RBM26: variants seen among roughly 807,000 people sequenced by gnomAD.
RBM26 encodes the protein RNA-binding protein 26.
RBM26 carries 30 observed loss-of-function variants against 123.6 expected under a neutral mutation model. That is an observed-to-expected ratio of 0.24 (90% CI 0.18 to 0.33). The LOEUF (loss-of-function observed/expected upper bound fraction) is 0.33, where lower values mean the gene tolerates loss of function less well. Among genes scored for constraint, RBM26 ranks in the 10% least tolerant of loss-of-function variants. The probability of loss-of-function intolerance (pLI) is 1.00; values close to 1 mark genes in which losing one functional copy is unlikely to be tolerated. For missense variants in RBM26, 947 were observed against 1,203.6 expected (o/e 0.79, Z 3.15); for synonymous variants, 400 against 404.4 (o/e 0.99, Z 0.13).
At position 79,349,323 on chromosome 13, in the gene RBM26, A is replaced by T. The variant is rs949288429; in HGVS notation, c.2058+3830T>A. Among the ~76,000 whole-genome samples the T allele has an allele frequency of 2.6e-5, 4 of 152,116 alleles. No homozygotes were observed. The South Asian group carries it at 8.3e-4, about 32-fold the overall frequency. The stretch of plus-strand genomic sequence containing the variant: ...TCTAACTGAAGTTTTATATCTTTTG[A>T]CCAACATTTCCCAATCCCCTGTCCT... On this transcript the variant is annotated intron_variant, in intron 14 of 21. Coordinates refer to ENST00000438737, the MANE Select transcript of RBM26 (RefSeq NM_001366735.2).
At chr13:79,364,802 AAG>A (rs1309938076) in intron 9 of RBM26, among the ~76,000 whole-genome samples, 4 of 152,176 alleles carry the variant, frequency 2.6e-5, no homozygotes, top group African/African-American at 9.7e-5. Context: ...AGAAAATTTT[AAG>A]AGTCATTTCT....
intron 5 of RBM26, among the ~76,000 whole-genome samples, chr13:79,370,351 A>G (rs2075754654): frequency 6.6e-6 from 1 of 152,132 alleles, no homozygotes. Context: ...TTTTTAACAT[A>G]CATATGTATT....
chr13:79,381,623 A>G (rs2077077031), intron 1 of RBM26, among the ~76,000 whole-genome samples: 1 of 152,004 alleles, frequency 6.6e-6, no homozygotes, highest in Admixed American at 6.6e-5. Context: ...TTTTTGCACC[A>G]TTATTTTTTA....
chr13:79,352,822 C>T (rs1169907612), intron 14 of RBM26, among the ~76,000 whole-genome samples: 1 of 152,058 alleles, frequency 6.6e-6, no homozygotes, highest in Non-Finnish European at 1.5e-5. Flanking sequence ...AGGTGAAATT[C>T]CTAATCATGG....
intron 14 of RBM26, among the ~76,000 whole-genome samples, chr13:79,347,368 A>C (rs529579307): frequency 6.6e-6 from 1 of 152,322 alleles, no homozygotes; most frequent in African/African-American, 2.4e-5. Context: ...GAGGTGTTAA[A>C]ATGTAAAAAT....
At chr13:79,340,268 C>T (rs1292230528) in intron 18 of RBM26, among the ~76,000 whole-genome samples, 1 of 151,900 alleles carries the variant, frequency 6.6e-6, no homozygotes, top group African/African-American at 2.4e-5. Context: ...CTATGGCTTC[C>T]TATGACTTTC....
chr13:79,362,757 G>A (rs1458309751), intron 9 of RBM26, among the ~76,000 whole-genome samples: 1 of 152,136 alleles, frequency 6.6e-6, no homozygotes, highest in Non-Finnish European at 1.5e-5. Flanking sequence ...CACTAAGAGA[G>A]GGAATAATGT....
intron 1 of RBM26, among the ~76,000 whole-genome samples, chr13:79,403,283 A>C (rs931684955): frequency 1.3e-5 from 2 of 152,176 alleles, no homozygotes; most frequent in African/African-American, 4.8e-5. Flanking sequence ...TTAGAAAAGG[A>C]CCAATTACAA....
intron 10 of RBM26, among the ~76,000 whole-genome samples, chr13:79,359,136 T>C (rs2074362859): frequency 6.6e-6 from 1 of 152,182 alleles, no homozygotes; most frequent in Admixed American, 6.5e-5. Flanking sequence ...AAGCTCTTTC[T>C]TGACCATTCA....
intron 1 of RBM26, among the ~76,000 whole-genome samples, chr13:79,381,438 A>ATT (rs2077063747): frequency 3.1e-4 from 3 of 9,804 alleles, no homozygotes; most frequent in Admixed American, 2.3e-3. Flanking sequence ...GATACATAAT[A>ATT]ATATTATTAT....
intron 20 of RBM26, among the ~76,000 whole-genome samples, chr13:79,324,231 T>C (rs1314697381): frequency 1.3e-5 from 2 of 151,838 alleles, no homozygotes; most frequent in Non-Finnish European, 3.0e-5. Flanking sequence ...TATATAAATA[T>C]GTATGGTATG....
At chr13:79,385,330 AGTT>A (rs1461718898) in intron 1 of RBM26, among the ~76,000 whole-genome samples, 3 of 152,350 alleles carry the variant, frequency 2.0e-5, no homozygotes, top group Middle Eastern at 3.4e-3. Context: ...ACTCATTAAG[AGTT>A]ATTATACACC....
At chr13:79,362,638 T>C (rs1380275905) in intron 9 of RBM26, among the ~76,000 whole-genome samples, 1 of 152,214 alleles carries the variant, frequency 6.6e-6, no homozygotes, top group Non-Finnish European at 1.5e-5. Flanking sequence ...AAAAGGATTT[T>C]TGGTCTTATT....
At position 79,371,853 on chromosome 13, in the gene RBM26, G is replaced by A. The variant is rs201247591; in HGVS notation, c.405C>T (p.Tyr135=). The A allele has an allele frequency of 5.6e-6, 9 of 1,604,988 alleles. No homozygotes were observed. The East Asian group carries it at 8.9e-5, about 16-fold the overall frequency. Residue 135 remains tyrosine, a synonymous_variant, in exon 4 of 22, where the codon TAC becomes TAT. Coordinates refer to ENST00000438737, the MANE Select transcript of RBM26 (RefSeq NM_001366735.2). ...AATGAACTGCTCACCTATTTTCCCT[G>A]TATCGGGAGCTTGACTGGGGAGGAC... The part of the protein sequence containing the change: ...NHSPPQSSSR[Y]RENRSRDERK...
At chr13:79,340,082 T>G (rs2071106078) in intron 18 of RBM26, among the ~76,000 whole-genome samples, 1 of 152,102 alleles carries the variant, frequency 6.6e-6, no homozygotes, top group Non-Finnish European at 1.5e-5. Context: ...GTTTCAAAGA[T>G]TCCACCAACA....
At chr13:79,377,633 T>C (rs1242639516) in intron 2 of RBM26, 118 bp from the exon 3 acceptor site, 6 of 847,394 alleles carry the variant, frequency 7.1e-6, no homozygotes, top group Non-Finnish European at 1.1e-5. Flanking sequence ...AACTAGAAAA[T>C]ATACTAGCAC....
chr13:79,383,176 G>A (rs374459032), intron 1 of RBM26, among the ~76,000 whole-genome samples: 1 of 151,944 alleles, frequency 6.6e-6, no homozygotes, highest in Admixed American at 6.6e-5. Context: ...TTCAAGCATA[G>A]GCTGAACAGC....
At chr13:79,383,100 TA>T (rs201260806) in intron 1 of RBM26, among the ~76,000 whole-genome samples, 76 of 3,998 alleles carry the variant, frequency 0.019, no homozygotes, top group Admixed American at 0.033. Context: ...TTTTTTTTTT[TA>T]AAATAATCAG....
At chr13:79,380,117 A>G (rs1181095257) in intron 1 of RBM26, among the ~76,000 whole-genome samples, 1 of 152,200 alleles carries the variant, frequency 6.6e-6, no homozygotes. Flanking sequence ...TTCTACACAT[A>G]TACTCACGTG....
Sources: gnomAD v4.1 joint callset for allele counts (sites outside exome capture counted in the v4.1 genomes callset) on GRCh38, gnomAD v4.1.1 for gene constraint, MANE v1.5 for transcripts, NCBI Gene and HGNC (gene_info 2026-07-23, HGNC 2026-07-21) for gene names.